The following DGKB variants were observed in gnomAD, a reference collection of about 807,000 sequenced individuals.
DGKB encodes the protein 90 kDa diacylglycerol kinase.
A neutral mutation model predicts 114.3 loss-of-function variants in DGKB; 67 were observed. The observed-to-expected ratio is 0.59, with a 90% CI of 0.48 to 0.72. DGKB has a LOEUF of 0.72. Ranked by LOEUF, DGKB falls within the 30% of genes least tolerant of loss-of-function variation. DGKB has a pLI of 0.00. For synonymous variants in DGKB, 398 were observed against 323.1 expected, an observed-to-expected ratio of 1.23 and a Z score of -2.49; for missense variants, 907 against 975.2, an observed-to-expected ratio of 0.93 and a Z score of 0.93.
intron 13 of DGKB, among the ~76,000 whole-genome samples, chr7:14,654,263 C>A (rs541708647): frequency 6.6e-5 from 10 of 151,862 alleles, no homozygotes; most frequent in Non-Finnish European, 1.5e-4. Flanking sequence ...TGAAAAGGAA[C>A]TGGAGAAGGA....
intron 23 of DGKB, among the ~76,000 whole-genome samples, chr7:14,195,607 T>C (rs2128280779): frequency 6.6e-6 from 1 of 152,322 alleles, no homozygotes; most frequent in African/African-American, 2.4e-5. Flanking sequence ...AGTTATTTTC[T>C]TGAGATATAT....
At chr7:14,151,700 C>G (rs184313038) in intron 25 of DGKB, among the ~76,000 whole-genome samples, 6 of 152,132 alleles carry the variant, frequency 3.9e-5, no homozygotes, top group African/African-American at 1.2e-4. Flanking sequence ...TTTACTCTAA[C>G]TTTATTTCTG....
At chr7:14,158,972 C>T (rs546700810) in intron 25 of DGKB, among the ~76,000 whole-genome samples, 1 of 152,242 alleles carries the variant, frequency 6.6e-6, no homozygotes, top group East Asian at 1.9e-4. Context: ...TGTTCTAAGG[C>T]CTGAACAATT....
intron 2 of DGKB, among the ~76,000 whole-genome samples, chr7:14,779,804 T>C (rs1318602527): frequency 6.6e-6 from 1 of 152,188 alleles, no homozygotes; most frequent in Non-Finnish European, 1.5e-5. Flanking sequence ...ATTGGCACTT[T>C]ATAACTGTAA....
chr7:14,665,079 TTAAA>T (rs1445082351), intron 13 of DGKB, among the ~76,000 whole-genome samples: 3 of 151,932 alleles, frequency 2.0e-5, no homozygotes, highest in African/African-American at 4.8e-5. Flanking sequence ...AACTTCAACT[TTAAA>T]TAATCAGCAT....
At chr7:14,544,532 T>G (rs1436867918) in intron 20 of DGKB, among the ~76,000 whole-genome samples, 1 of 152,208 alleles carries the variant, frequency 6.6e-6, no homozygotes, top group African/African-American at 2.4e-5. Context: ...CACTCATTTT[T>G]GTATATAAAA....
intron 1 of DGKB, among the ~76,000 whole-genome samples, chr7:14,898,223 C>T (rs575930086): frequency 1.3e-5 from 2 of 151,966 alleles, no homozygotes; most frequent in South Asian, 4.2e-4. Flanking sequence ...GTTTGGGTGT[C>T]CAAAAGTAAA....
intron 20 of DGKB, among the ~76,000 whole-genome samples, chr7:14,560,776 C>G (rs558746675): frequency 3.3e-5 from 5 of 152,258 alleles, no homozygotes; most frequent in South Asian, 2.1e-4. Flanking sequence ...TTTGAGAAAC[C>G]TCCACATTGT....
intron 23 of DGKB, among the ~76,000 whole-genome samples, chr7:14,263,011 A>T (rs912305611): frequency 4.6e-5 from 7 of 151,982 alleles, no homozygotes; most frequent in Middle Eastern, 3.2e-3. Context: ...GGTAGTTAAC[A>T]TCCTGAAGGG....
At chr7:14,174,057 T>C (rs1302706938) in intron 25 of DGKB, among the ~76,000 whole-genome samples, 1 of 152,168 alleles carries the variant, frequency 6.6e-6, no homozygotes, top group East Asian at 1.9e-4. Flanking sequence ...TAAATTTCAA[T>C]AGGCAGACAT....
At chr7:14,326,456 G>T (rs1008785369) in intron 23 of DGKB, among the ~76,000 whole-genome samples, 15 of 152,102 alleles carry the variant, frequency 9.9e-5, no homozygotes, top group African/African-American at 3.6e-4. Context: ...GTGCTACAAG[G>T]TCAACCAAGA....
At chr7:14,288,159 C>T (rs546152805) in intron 23 of DGKB, among the ~76,000 whole-genome samples, 1 of 138,372 alleles carries the variant, frequency 7.2e-6, no homozygotes, top group African/African-American at 2.7e-5. Flanking sequence ...AGAAATTATA[C>T]TTTGAACTAC....
At chr7:14,166,585 T>A (rs941708748) in intron 25 of DGKB, among the ~76,000 whole-genome samples, 1 of 152,146 alleles carries the variant, frequency 6.6e-6, no homozygotes, top group African/African-American at 2.4e-5. Context: ...TAAGAAGGAA[T>A]AAGCACTCTT....
chr7:14,811,888 T>C (rs1843490400), intron 2 of DGKB, among the ~76,000 whole-genome samples: 1 of 124,262 alleles, frequency 8.0e-6, no homozygotes, highest in Non-Finnish European at 1.6e-5. Context: ...ACTATGTATC[T>C]TTAGAACTTT....
chr7:14,690,379 C>T (rs986617639), intron 9 of DGKB, among the ~76,000 whole-genome samples: 4 of 152,200 alleles, frequency 2.6e-5, no homozygotes, highest in Admixed American at 1.3e-4. Flanking sequence ...TTCACTGCTC[C>T]TATGCTTTCT....
At chr7:14,715,884 G>A (rs2128343122) in intron 6 of DGKB, among the ~76,000 whole-genome samples, 1 of 152,264 alleles carries the variant, frequency 6.6e-6, no homozygotes, top group East Asian at 1.9e-4. Context: ...AGGACTTCCT[G>A]TAATCAGTAA....
At chr7:14,800,814 C>T (rs78281829) in intron 2 of DGKB, among the ~76,000 whole-genome samples, 16 of 152,046 alleles carry the variant, frequency 1.1e-4, no homozygotes, top group Non-Finnish European at 1.9e-4. Flanking sequence ...TACCATGGCC[C>T]GTCAATGGAA....
intron 23 of DGKB, among the ~76,000 whole-genome samples, chr7:14,214,706 G>A (rs901886894): frequency 1.3e-5 from 2 of 151,980 alleles, no homozygotes; most frequent in African/African-American, 2.4e-5. Context: ...AGTTTCAAAA[G>A]GAAAAGTTTA....
intron 23 of DGKB, among the ~76,000 whole-genome samples, chr7:14,196,399 T>G (rs1466637089): frequency 6.6e-6 from 1 of 152,122 alleles, no homozygotes; most frequent in African/African-American, 2.4e-5. Flanking sequence ...AGCTAACTGT[T>G]AACAAGTTAG....
Sources: gnomAD v4.1 joint callset for allele counts (sites outside exome capture counted in the v4.1 genomes callset) on GRCh38, gnomAD v4.1.1 for gene constraint, MANE v1.5 for transcripts, NCBI Gene and HGNC (gene_info 2026-07-23, HGNC 2026-07-21) for gene names.